ROS1: variants seen among roughly 807,000 people sequenced by gnomAD.
ROS1 encodes the protein proto-oncogene tyrosine-protein kinase ROS.
ROS1 carries 263 observed loss-of-function variants against 273.5 expected under a neutral mutation model. That is an observed-to-expected ratio of 0.96 (90% confidence interval 0.87 to 1.06). The LOEUF is 1.06. Among genes scored for constraint, ROS1 ranks in the 50% least tolerant of loss-of-function variants. The pLI is 0.00. For missense variants in ROS1, 2,833 were observed against 2,751.1 expected, an observed-to-expected ratio of 1.03 and a Z score of -0.67; for synonymous variants, 1,008 against 954.1, an observed-to-expected ratio of 1.06 and a Z score of -1.04.
chr6:117,341,104 CATAAA>C (rs1366935185), intron 31 of ROS1, 26 bp downstream of exon 31: 1 of 1,451,020 alleles, frequency 6.9e-7, no homozygotes, highest in East Asian at 2.3e-5. Flanking sequence ...TATTCTATAT[CATAAA>C]ATAAAGACTT....
chr6:117,316,956 A>G (rs932773424), intron 39 of ROS1, among the ~76,000 whole-genome samples, 187 bp downstream of exon 39: 14 of 152,262 alleles, frequency 9.2e-5, no homozygotes, highest in Middle Eastern at 3.4e-3. Context: ...TCACATGACC[A>G]GAAAGTGCCA....
rs1562291174 is a variant in ROS1, at chr6:117,341,602, G to A, written c.4682C>T (p.Thr1561Ile). The A allele has an allele frequency of 4.3e-6, 7 of 1,613,540 alleles. No individual in the cohort carries two copies. The highest frequency in any genetic ancestry group is 5.1e-6 in the Non-Finnish European group (6 of 1,179,574). ...VPEAVQLINT[T>I]VRSDTSLIIS... ...AATGAGGCTGGTGTCTGACCGCACAGTTGTATTAATGAGCTGCACTGCCTC... is the reference window on the plus strand; with the variant it reads ...AATGAGGCTGGTGTCTGACCGCACAATTGTATTAATGAGCTGCACTGCCTC... Residue 1561 changes from threonine to isoleucine, a missense_variant, in exon 30 of 44, where the codon ACT becomes ATT. Thr to Ile is a moderately conservative substitution (Grantham distance 89, BLOSUM62 -1). Transcript: ENST00000368507.
chr6:117,372,067 C>T (rs1260648176), intron 18 of ROS1, among the ~76,000 whole-genome samples: 7 of 152,170 alleles, frequency 4.6e-5, no homozygotes, highest in Non-Finnish European at 5.9e-5. Context: ...ATTAAAACCT[C>T]AGCAACACAG....
At chr6:117,334,857 C>T (rs141926637) in intron 32 of ROS1, among the ~76,000 whole-genome samples, 14,437 of 152,236 alleles carry the variant, frequency 0.095, 879 homozygotes, top group Middle Eastern at 0.14. Flanking sequence ...GGATTAAACA[C>T]TTAAATGTAA....
chr6:117,302,235 CT>C (rs1774789862), intron 42 of ROS1, among the ~76,000 whole-genome samples: 2 of 152,180 alleles, frequency 1.3e-5, no homozygotes, highest in East Asian at 3.8e-4. Context: ...TTTAAACAAT[CT>C]TTTTAAGTAA....
At chr6:117,385,497 G>C (rs1479587252) in intron 16 of ROS1, among the ~76,000 whole-genome samples, 186 bp downstream of exon 16, 4 of 151,942 alleles carry the variant, frequency 2.6e-5, no homozygotes, top group Non-Finnish European at 5.9e-5. Flanking sequence ...TGGGCAGCAG[G>C]GTGAAATTGT....
chr6:117,351,794 T>G (rs1044352029), intron 27 of ROS1, among the ~76,000 whole-genome samples: 1 of 152,192 alleles, frequency 6.6e-6, no homozygotes, highest in African/African-American at 2.4e-5. Flanking sequence ...GGAGTGGCAA[T>G]TTCTAAGCTT....
chr6:117,374,763 C>T (rs896243545), intron 18 of ROS1, among the ~76,000 whole-genome samples: 2 of 152,146 alleles, frequency 1.3e-5, no homozygotes, highest in African/African-American at 2.4e-5. Flanking sequence ...AAGGAACTCA[C>T]ACAAATCAAC....
At chr6:117,409,722 C>T in intron 4 of ROS1, 80 bp from the exon 5 acceptor site, 2 of 1,070,728 alleles carry the variant, frequency 1.9e-6, no homozygotes, top group South Asian at 2.6e-5. Flanking sequence ...ATTTTAAAAT[C>T]CGAATGCCTA....
At chr6:117,310,032 T>C (rs368889892) in intron 41 of ROS1, 49 bp downstream of exon 41, 274 of 1,489,320 alleles carry the variant, frequency 1.8e-4, no homozygotes, top group Non-Finnish European at 2.4e-4. Flanking sequence ...AAATCCCCTC[T>C]AATGTTTGAT....
At chr6:117,413,564 A>T (rs1452958358) in intron 4 of ROS1, among the ~76,000 whole-genome samples, 1 of 152,226 alleles carries the variant, frequency 6.6e-6, no homozygotes, top group Admixed American at 6.5e-5. Context: ...CAAGTGTAGC[A>T]GAGGTTGCTT....
At chr6:117,382,750 C>T (rs1303617273) in intron 17 of ROS1, among the ~76,000 whole-genome samples, 1 of 152,024 alleles carries the variant, frequency 6.6e-6, no homozygotes, top group East Asian at 1.9e-4. Context: ...GGAGCATTTA[C>T]TTTGTACCTG....
At chr6:117,359,754 G>T in intron 24 of ROS1, 55 bp downstream of exon 24, 1 of 1,397,244 alleles carries the variant, frequency 7.2e-7, no homozygotes, top group Non-Finnish European at 1.0e-6. Context: ...ACAAAGTAGT[G>T]TCATATGCAA....
At chr6:117,417,161 C>T (rs1191249212) in intron 2 of ROS1, among the ~76,000 whole-genome samples, 3 of 152,148 alleles carry the variant, frequency 2.0e-5, no homozygotes, top group Non-Finnish European at 1.5e-5. Flanking sequence ...TCCACTGGCT[C>T]ATTAGATGTC....
chr6:117,355,633 A>G (rs777583239), intron 26 of ROS1, among the ~76,000 whole-genome samples: 9 of 149,984 alleles, frequency 6.0e-5, no homozygotes, highest in Non-Finnish European at 1.3e-4. Flanking sequence ...TTTTTTTGAG[A>G]CAGTCTTACT....
chr6:117,364,080 C>T (rs574700019), intron 21 of ROS1, among the ~76,000 whole-genome samples: 1 of 152,242 alleles, frequency 6.6e-6, no homozygotes, highest in African/African-American at 2.4e-5. Flanking sequence ...TGGATGCAGT[C>T]AAGTCCATTT....
At position 117,318,181 on chromosome 6, in the gene ROS1, G is replaced by C. The variant is rs1192327639; in HGVS notation, c.5987+7C>G. ...CCCATACCAGGAGAAAATTATTTCA[G>C]AGCTACCTCATCAGATGTGCCTCCT... is the stretch of plus-strand genomic sequence containing the variant. On this transcript the variant is annotated splice_region_variant and intron_variant, in intron 38 of 43. Coordinates refer to ENST00000368507, the MANE Select transcript of ROS1 (RefSeq NM_001378902.1). The C allele has an allele frequency of 6.2e-7, 1 of 1,610,550 alleles. No homozygotes were observed.
chr6:117,339,845 A>T (rs1452711331), intron 31 of ROS1, among the ~76,000 whole-genome samples: 1 of 152,058 alleles, frequency 6.6e-6, no homozygotes, highest in Non-Finnish European at 1.5e-5. Context: ...GGATGACTTA[A>T]TGACTCCTAT....
At chr6:117,413,417 T>C (rs1325770555) in intron 4 of ROS1, among the ~76,000 whole-genome samples, 1 of 152,186 alleles carries the variant, frequency 6.6e-6, no homozygotes, top group African/African-American at 2.4e-5. Flanking sequence ...TTTAAACTGA[T>C]AAATAATGTA....
Sources: gnomAD v4.1 joint callset for allele counts (sites outside exome capture counted in the v4.1 genomes callset) on GRCh38, gnomAD v4.1.1 for gene constraint, MANE v1.5 for transcripts, NCBI Gene and HGNC (gene_info 2026-07-23, HGNC 2026-07-21) for gene names.